The following CASS4 variants were observed in gnomAD, a reference collection of about 807,000 sequenced individuals.
CASS4 encodes the protein Cas scaffold protein family member 4.
Under a neutral mutation model 54.2 loss-of-function variants are expected in CASS4, and 22 were observed. The ratio of observed to expected loss-of-function variants is 0.41; its 90% CI spans 0.29 to 0.58. The LOEUF is 0.58. Ranked by LOEUF, CASS4 falls within the 20% of genes least tolerant of loss-of-function variation. The pLI is 0.36. For synonymous variants in CASS4, 409 were observed against 391.5 expected (o/e 1.04, Z -0.53); for missense variants, 854 against 986.7 (o/e 0.87, Z 1.80).
At chr20:56,454,060 A>G (rs1981170439) in intron 5 of CASS4, among the ~76,000 whole-genome samples, 1 of 152,096 alleles carries the variant, frequency 6.6e-6, no homozygotes, top group African/African-American at 2.4e-5. Flanking sequence ...GTGCGCCTGT[A>G]ATTCCAGCTA....
chr20:56,423,918 A>C (rs2146267571), intron 1 of CASS4, among the ~76,000 whole-genome samples: 1 of 152,326 alleles, frequency 6.6e-6, no homozygotes, highest in East Asian at 1.9e-4. Context: ...AGTAACTTTC[A>C]GATCATTTTC....
At chr20:56,416,855 A>G (rs372207663) in intron 1 of CASS4, among the ~76,000 whole-genome samples, 7 of 152,294 alleles carry the variant, frequency 4.6e-5, no homozygotes, top group East Asian at 1.9e-4. Context: ...CATCTTTACT[A>G]TGTTACTGAA....
chr20:56,441,473 T>C (rs1216249991), intron 2 of CASS4, among the ~76,000 whole-genome samples: 1 of 151,826 alleles, frequency 6.6e-6, no homozygotes, highest in African/African-American at 2.4e-5. Context: ...TGTGTGGTGG[T>C]ATGCATCTGT....
chr20:56,456,413 A>T (rs1311916606), intron 5 of CASS4, among the ~76,000 whole-genome samples: 2 of 150,502 alleles, frequency 1.3e-5, no homozygotes, highest in Admixed American at 1.3e-4. Context: ...TTGCTCTGTC[A>T]CCCAGGTGGG....
chr20:56,432,657 C>T (rs1979964790), intron 1 of CASS4, among the ~76,000 whole-genome samples: 1 of 152,132 alleles, frequency 6.6e-6, no homozygotes. Context: ...CATGCACCAT[C>T]ACACCCAGCC....
At chr20:56,436,053 C>T (rs571578142) in intron 1 of CASS4, among the ~76,000 whole-genome samples, 2 of 152,186 alleles carry the variant, frequency 1.3e-5, no homozygotes, top group South Asian at 4.2e-4. Context: ...CGCCCAGCCT[C>T]TTGTCATTCA....
intron 4 of CASS4, among the ~76,000 whole-genome samples, chr20:56,451,316 A>C (rs948247915): frequency 3.3e-5 from 5 of 152,162 alleles, no homozygotes; most frequent in African/African-American, 1.2e-4. Context: ...GATACAGTAC[A>C]CTTTTATCTG....
Position 56,450,031 on chromosome 20 carries a change from CT to C in CASS4, c.562-555del, listed in dbSNP as rs112371637. On this transcript the variant is annotated intron_variant, in intron 3 of 5. Coordinates refer to ENST00000679887, the MANE Select transcript of CASS4 (RefSeq NM_020356.4). ...GCCCCCCAACCTTTGGTTGAGAGGT[CT>C]TTTTTTTTTTTTCTTTGAGATGGAG... is the stretch of plus-strand genomic sequence containing the variant. 5.0e-3 allele frequency among the ~76,000 whole-genome samples: 723 copies of C among 145,460 alleles called. 9 individuals carry two copies. The highest frequency in any genetic ancestry group is 5.8e-3 in the African/African-American group (233 of 39,864).
At chr20:56,415,675 G>A (rs976196712) in intron 1 of CASS4, among the ~76,000 whole-genome samples, 3 of 152,150 alleles carry the variant, frequency 2.0e-5, no homozygotes, top group Admixed American at 6.6e-5. Flanking sequence ...TGGGGCATTC[G>A]CCTTTAAAAC....
intron 4 of CASS4, 66 bp downstream of exon 4, chr20:56,450,745 A>C: frequency 2.0e-6 from 3 of 1,498,452 alleles, no homozygotes; most frequent in Non-Finnish European, 2.8e-6. Context: ...AAATGTTATT[A>C]GCTTGGGGCC....
chr20:56,450,646 G>C lies in CASS4; in HGVS notation c.609G>C (p.Lys203Asn). 6.2e-7 allele frequency: 1 copy of C among 1,614,136 alleles called. No individual in the cohort carries two copies. The highest frequency in any genetic ancestry group is 8.5e-7 in the Non-Finnish European group (1 of 1,180,016). ...ATGACATACCAGCCAGCCCCAAGAAGGCAGGACTCCATCCCCCAGACAGCC... is the reference window on the plus strand; with the variant it reads ...ATGACATACCAGCCAGCCCCAAGAACGCAGGACTCCATCCCCCAGACAGCC... ...QLYDIPASPKKAGLHPPDSQA... is the reference protein window; with the variant it reads ...QLYDIPASPKNAGLHPPDSQA... The change falls in exon 4 of 6, where the codon AAG becomes AAC. Residue 203 changes from lysine to asparagine, a missense_variant. Lys to Asn is a moderately conservative substitution (Grantham distance 94, BLOSUM62 0). Coordinates refer to ENST00000679887, the MANE Select transcript of CASS4 (RefSeq NM_020356.4).
intron 1 of CASS4, among the ~76,000 whole-genome samples, chr20:56,426,880 G>A (rs191797879): frequency 6.6e-6 from 1 of 152,266 alleles, no homozygotes; most frequent in Non-Finnish European, 1.5e-5. Context: ...CACCCAGCCA[G>A]CTTCTCCCCC....
chr20:56,458,978 C>T lies in CASS4; in HGVS notation c.*231C>T, dbSNP rs1308186466. Reference sequence around the variant, plus strand: ...GAGGTAAAGACCTTGTGAAGTTTAGCATATATGGAGTATGCAGTATCAGCT... The same window carrying T: ...GAGGTAAAGACCTTGTGAAGTTTAGTATATATGGAGTATGCAGTATCAGCT... On this transcript the variant is annotated 3_prime_UTR_variant, in exon 6 of 6. Coordinates refer to ENST00000679887, the MANE Select transcript of CASS4 (RefSeq NM_020356.4). 3.8e-6 allele frequency: 2 copies of T among 525,044 alleles called. No individual in the cohort carries two copies. The highest frequency in any genetic ancestry group is 6.8e-6 in the Non-Finnish European group (2 of 294,098). 32.5% of individuals were successfully genotyped at this position (525,044 alleles called of 1,614,324 possible).
rs945196626 is a variant in CASS4, at chr20:56,437,778, G to A, written c.459+192G>A. ...ACTCAGCGGCCTCCACCCCCTTGTC[G>A]TTGACACCCTTGGCGCCACTGTGAT... is the stretch of plus-strand genomic sequence containing the variant. On this transcript the variant is annotated intron_variant, in intron 2 of 5. Transcript: ENST00000679887. The surrounding 1 kb of genome is among the most constrained non-coding windows in gnomAD (Gnocchi z 4.7). Among the ~76,000 whole-genome samples the A allele has an allele frequency of 6.6e-6, 1 of 152,260 alleles. No individual in the cohort carries two copies. The highest frequency in any genetic ancestry group is 1.9e-4 in the East Asian group (1 of 5,182).
At chr20:56,446,063 G>A in intron 3 of CASS4, 62 bp downstream of exon 3, 1 of 1,121,758 alleles carries the variant, frequency 8.9e-7, no homozygotes, top group South Asian at 1.3e-5. Flanking sequence ...TGGGGTTCTT[G>A]GGATCATGCC....
chr20:56,412,553 G>A lies in CASS4; in HGVS notation c.36+59G>A. 6.4e-7 allele frequency: 1 copy of A among 1,561,794 alleles called. No individual in the cohort carries two copies. The highest frequency in any genetic ancestry group is 1.7e-4 in the Middle Eastern group (1 of 5,962). ...GCGGGGAGCAAGCTGTGATGATTAA[G>A]GGTGTTGACCAGCTTTAGTTGTGAC... On this transcript the variant is annotated intron_variant, in intron 1 of 5. Transcript: ENST00000679887. This position sits in a 1 kb window ranked among gnomAD's most constrained non-coding sequence, Gnocchi z 4.2.
chr20:56,444,386 T>G (rs1173242770), intron 2 of CASS4, among the ~76,000 whole-genome samples: 2 of 151,966 alleles, frequency 1.3e-5, no homozygotes, highest in Non-Finnish European at 2.9e-5. Context: ...GGAAGTACAC[T>G]CCCCCTGTCC....
In CASS4 at chr20:56,445,891, C is replaced by T; in HGVS notation, c.460-9C>T. The T allele has an allele frequency of 6.2e-7, 1 of 1,602,690 alleles. No individual in the cohort carries two copies. Among genetic ancestry groups the T allele is most frequent in the Non-Finnish European group, 8.5e-7 (1 of 1,170,022 alleles). On this transcript the variant is annotated splice_polypyrimidine_tract_variant and intron_variant, in intron 2 of 5. Coordinates refer to ENST00000679887, the MANE Select transcript of CASS4 (RefSeq NM_020356.4). ...TCCTTTTCCTCTTTTCTCCTCCTTT[C>T]TCTCCAAGGCCATCCTCACGCTTCC...
chr20:56,455,337 G>T (rs1439143017), intron 5 of CASS4, among the ~76,000 whole-genome samples: 6 of 152,138 alleles, frequency 3.9e-5, no homozygotes, highest in African/African-American at 1.4e-4. Context: ...AACTTGTAAA[G>T]GTTGTAAAGG....
Sources: gnomAD v4.1 joint callset for allele counts (sites outside exome capture counted in the v4.1 genomes callset) on GRCh38, gnomAD v4.1.1 for gene constraint, Gnocchi (gnomAD v3.1) non-coding constraint, MANE v1.5 for transcripts, NCBI Gene and HGNC (gene_info 2026-07-23, HGNC 2026-07-21) for gene names.